HTRA1: variants seen among roughly 807,000 people sequenced by gnomAD.
HTRA1 encodes HtrA serine peptidase 1.
Under a neutral mutation model 49.7 loss-of-function variants are expected in HTRA1, and 26 were observed. The observed-to-expected ratio is 0.52, with a 90% confidence interval of 0.38 to 0.73. The LOEUF (loss-of-function observed/expected upper bound fraction) is 0.73. HTRA1 is among the 30% of genes least tolerant of loss of function. The probability of loss-of-function intolerance (pLI) is 0.00; values close to 1 mark genes in which losing one functional copy is unlikely to be tolerated. For synonymous variants in HTRA1, 291 were observed against 286.9 expected (o/e 1.01, Z -0.14); for missense variants, 561 against 667.2 (o/e 0.84, Z 1.75).
intron 5 of HTRA1, among the ~76,000 whole-genome samples, 189 bp downstream of exon 5, chr10:122,507,591 G>A (rs77833905): frequency 0.014 from 2,164 of 152,176 alleles, 23 homozygotes; most frequent in Non-Finnish European, 0.022. Context: ...ATGACCCTAC[G>A]GATCTTTTCT....
At position 122,506,693 on chromosome 10, in the gene HTRA1, C is replaced by A; in HGVS notation, c.780C>A (p.Gly260=). 1.2e-6 allele frequency: 2 copies of A among 1,612,310 alleles called. No individual in the cohort carries two copies. The highest frequency in any genetic ancestry group is 1.7e-6 in the Non-Finnish European group (2 of 1,179,954). Reference sequence around the variant, plus strand: ...AACGCCAGCCATTGTGGTTTCAGGGCAAGCTGCCTGTCCTGCTGCTTGGCC... The same window carrying A: ...AACGCCAGCCATTGTGGTTTCAGGGAAAGCTGCCTGTCCTGCTGCTTGGCC... ...DIALIKIDHQ[G]KLPVLLLGRS... Residue 260 remains glycine, a splice_region_variant and synonymous_variant, in exon 4 of 9, where the codon GGC becomes GGA. Coordinates refer to ENST00000368984, the MANE Select transcript of HTRA1 (RefSeq NM_002775.5). This position sits in a 1 kb window ranked among gnomAD's most constrained non-coding sequence, Gnocchi z 5.2.
At position 122,466,322 on chromosome 10, in the gene HTRA1, C is replaced by A. The variant is rs542372056; in HGVS notation, c.472+4198C>A. 2.6e-3 allele frequency among the ~76,000 whole-genome samples: 391 copies of A among 152,274 alleles called. 2 individuals are homozygous for A. Among genetic ancestry groups the A allele is most frequent in the African/African-American group, 8.7e-3 (363 of 41,564 alleles). On this transcript the variant is annotated intron_variant, in intron 1 of 8. Transcript: ENST00000368984. ...CTGGGACTACAGGCACCCGCCACCA[C>A]GCCCAGCTAATTTTTTTGTATTTTT...
intron 1 of HTRA1, among the ~76,000 whole-genome samples, chr10:122,477,031 A>T (rs1327242888): frequency 6.9e-6 from 1 of 145,816 alleles, no homozygotes; most frequent in Admixed American, 7.1e-5. Context: ...GCACTGGCGC[A>T]ATCTTGGCTC....
At chr10:122,510,069 T>C (rs1426700195) in intron 6 of HTRA1, 27 bp from the exon 7 acceptor site, 1 of 1,609,450 alleles carries the variant, frequency 6.2e-7, no homozygotes. Context: ...GGGCTGACCT[T>C]CTGCTGTCCC....
At chr10:122,507,815 C>T (rs867899502) in intron 5 of HTRA1, among the ~76,000 whole-genome samples, 1 of 152,216 alleles carries the variant, frequency 6.6e-6, no homozygotes, top group African/African-American at 2.4e-5. Context: ...TACACATTTT[C>T]TCTTGGCCAG....
rs534179507 is a variant in HTRA1, at chr10:122,490,284, G to A, written c.777+658G>A. 1.3e-5 allele frequency among the ~76,000 whole-genome samples: 2 copies of A among 152,290 alleles called. No individual in the cohort carries two copies. The highest frequency in any genetic ancestry group is 1.9e-4 in the East Asian group (1 of 5,186). On this transcript the variant is annotated intron_variant, in intron 3 of 8. Transcript: ENST00000368984. The surrounding 1 kb of genome is among the most constrained non-coding windows in gnomAD (Gnocchi z 4.2). ...ATTTGCCCAAATTATAATCATTTGA[G>A]TATACAGCTTTTTGTGGGGGCAGGC...
At position 122,494,930 on chromosome 10, in the gene HTRA1, T is replaced by C. The variant is rs1162222026; in HGVS notation, c.777+5304T>C. ...CACCAGAACTTGGCCCTGCGCATGGTGAATCTTCCCTGAGTCAGCTGAGTG... is the reference window on the plus strand; with the variant it reads ...CACCAGAACTTGGCCCTGCGCATGGCGAATCTTCCCTGAGTCAGCTGAGTG... On this transcript the variant is annotated intron_variant, in intron 3 of 8. Transcript: ENST00000368984. This position sits in a 1 kb window ranked among gnomAD's most constrained non-coding sequence, Gnocchi z 4.0. 6.6e-6 allele frequency among the ~76,000 whole-genome samples: 1 copy of C among 152,062 alleles called. No individual in the cohort carries two copies. Among genetic ancestry groups the C allele is most frequent in the East Asian group, 1.9e-4 (1 of 5,176 alleles).
At chr10:122,510,212 G>A (rs2097504994) in intron 7 of HTRA1, 59 bp downstream of exon 7, 15 of 1,393,538 alleles carry the variant, frequency 1.1e-5, no homozygotes, top group Non-Finnish European at 1.3e-5. Flanking sequence ...ACTTCAGAAG[G>A]TGCTCACGGG....
intron 1 of HTRA1, among the ~76,000 whole-genome samples, chr10:122,466,422 C>T (rs1565407490): frequency 6.6e-6 from 1 of 152,146 alleles, no homozygotes; most frequent in Non-Finnish European, 1.5e-5. Flanking sequence ...CCGCTTTGGC[C>T]TCCCAAAGTG....
rs1234489698 is a variant in HTRA1, at chr10:122,464,733, C to T, written c.472+2609C>T. 6.6e-6 allele frequency among the ~76,000 whole-genome samples: 1 copy of T among 152,224 alleles called. No homozygotes were observed. Among genetic ancestry groups the T allele is most frequent in the Non-Finnish European group, 1.5e-5 (1 of 68,044 alleles). On this transcript the variant is annotated intron_variant, in intron 1 of 8. Coordinates refer to ENST00000368984, the MANE Select transcript of HTRA1 (RefSeq NM_002775.5). This position sits in a 1 kb window ranked among gnomAD's most constrained non-coding sequence, Gnocchi z 4.8. Reference sequence around the variant, plus strand: ...CAGACTTCATTCAGTCCAAGCCAGGCTCCAGGACTCAACAGCTGGTGCCCA... The same window carrying T: ...CAGACTTCATTCAGTCCAAGCCAGGTTCCAGGACTCAACAGCTGGTGCCCA...
chr10:122,463,595 T>C (rs2097482541), intron 1 of HTRA1, among the ~76,000 whole-genome samples: 1 of 152,138 alleles, frequency 6.6e-6, no homozygotes, highest in East Asian at 1.9e-4. Flanking sequence ...CTCCGACCCC[T>C]GGGCTCAATG....
rs1362162328 is a variant in HTRA1 at position 122,467,922 on chromosome 10, G to C, written c.472+5798G>C. Among the ~76,000 whole-genome samples, 3 of 152,192 alleles carry C rather than the reference G, an allele frequency of 2.0e-5. No homozygotes were observed. In the East Asian group the frequency reaches 5.8e-4, roughly 29 times the overall value. Reference sequence around the variant, plus strand: ...TGGTGACGTGTGCCTAGAACCACAGGGGGACATTAGCCAGGACAACACGCC... The same window carrying C: ...TGGTGACGTGTGCCTAGAACCACAGCGGGACATTAGCCAGGACAACACGCC... On this transcript the variant is annotated intron_variant, in intron 1 of 8. Coordinates refer to ENST00000368984, the MANE Select transcript of HTRA1 (RefSeq NM_002775.5).
In HTRA1 at chr10:122,489,540, G is replaced by A; in HGVS notation, c.691G>A (p.Glu231Lys). 4 of 1,614,196 alleles carry A rather than the reference G, an allele frequency of 2.5e-6. No individual in the cohort carries two copies. The highest frequency in any genetic ancestry group is 2.5e-6 in the Non-Finnish European group (3 of 1,180,030). ...GACCAACAAGCACCGGGTCAAAGTTGAGCTGAAGAACGGTGCCACTTACGA... is the reference window on the plus strand; with the variant it reads ...GACCAACAAGCACCGGGTCAAAGTTAAGCTGAAGAACGGTGCCACTTACGA... The part of the protein sequence containing the change: ...VVTNKHRVKV[E>K]LKNGATYEAK... The change falls in exon 3 of 9, where the codon GAG (glutamate) becomes AAG (lysine). Residue 231 changes from glutamate (E) to lysine (K), a missense_variant. By Grantham distance (56) the Glu-to-Lys change is moderately conservative (BLOSUM62 1). This residue lies in a region of HTRA1 where 271 missense variants were observed against 410.0 expected (regional missense o/e 0.66). Transcript: ENST00000368984.
intron 3 of HTRA1, among the ~76,000 whole-genome samples, chr10:122,504,535 C>T (rs902548269): frequency 4.6e-5 from 7 of 152,168 alleles, no homozygotes; most frequent in African/African-American, 1.7e-4. Flanking sequence ...GGCAGCCAGG[C>T]CACCCCGCTC....
intron 1 of HTRA1, among the ~76,000 whole-genome samples, chr10:122,476,749 AGCGCTAGAGGGATGGTT>A (rs2097488670): frequency 1.3e-5 from 2 of 151,914 alleles, no homozygotes; most frequent in African/African-American, 4.8e-5. Flanking sequence ...TAGTAAGGGG[AGCGCTAGAGGGATGGTT>A]GCGCTTGCAT....
Position 122,489,438 on chromosome 10 carries a change from C to T in HTRA1, c.589C>T (p.Arg197Ter), listed in dbSNP as rs1438223502. ...GGATTTTAGGCTTCCGTTTTCTAAACGAGAGGTGCCGGTGGCTAGTGGGTC... is the reference window on the plus strand; with the variant it reads ...GGATTTTAGGCTTCCGTTTTCTAAATGAGAGGTGCCGGTGGCTAGTGGGTC... ...ELFRKLPFSKREVPVASGSGF... is the reference protein window; with the variant it reads ...ELFRKLPFSK The change falls in exon 3 of 9, where the codon CGA becomes TGA. Residue 197 changes from arginine to a stop codon, truncating the protein, a stop_gained. Coordinates refer to ENST00000368984, the MANE Select transcript of HTRA1 (RefSeq NM_002775.5). LOFTEE classifies it high-confidence loss of function. The T allele has an allele frequency of 3.1e-6, 5 of 1,614,116 alleles. No homozygotes were observed. The highest frequency in any genetic ancestry group is 1.7e-6 in the Non-Finnish European group (2 of 1,180,014).
chr10:122,514,713 C>T lies in HTRA1; in HGVS notation c.*354C>T. 1 of 331,214 alleles carries T rather than the reference C, an allele frequency of 3.0e-6. No homozygotes were observed. The highest frequency in any genetic ancestry group is 5.8e-6 in the Non-Finnish European group (1 of 171,090). The allele number at this position is 331,214 out of a possible 1,614,324, so 20.5% of individuals were successfully genotyped here. ...GATACAATGCGTAGATAGAAGAAGC[C>T]CCACGGGAGCCAGGATGGGACTGGT... On this transcript the variant is annotated 3_prime_UTR_variant, in exon 9 of 9. Transcript: ENST00000368984.
At chr10:122,493,012 A>C (rs2097496666) in intron 3 of HTRA1, among the ~76,000 whole-genome samples, 1 of 152,148 alleles carries the variant, frequency 6.6e-6, no homozygotes, top group Admixed American at 6.5e-5. Flanking sequence ...AGCTCCCCTC[A>C]CATCTCCAGT....
intron 3 of HTRA1, among the ~76,000 whole-genome samples, chr10:122,491,747 T>G (rs2097495962): frequency 6.6e-6 from 1 of 152,196 alleles, no homozygotes; most frequent in African/African-American, 2.4e-5. Flanking sequence ...GTTTAGCTCT[T>G]CAGCCAGCAG....
Sources: allele counts gnomAD v4.1 joint callset (sites outside exome capture counted in the v4.1 genomes callset), GRCh38; gene constraint gnomAD v4.1.1; regional missense constraint gnomAD v4.1.1; non-coding constraint Gnocchi (gnomAD v3.1); transcripts MANE v1.5; gene names NCBI Gene and HGNC (gene_info 2026-07-23, HGNC 2026-07-21).